The following LITAF variants were observed in gnomAD, a reference collection of about 807,000 sequenced individuals.
LITAF encodes the protein lipopolysaccharide induced TNF factor.
Under a neutral mutation model 14.5 loss-of-function variants are expected in LITAF, and 9 were observed. The ratio of observed to expected loss-of-function variants is 0.62; its 90% confidence interval spans 0.37 to 1.08. The LOEUF is 1.08. Among genes scored for constraint, LITAF ranks in the 50% least tolerant of loss-of-function variants. LITAF has a pLI of 0.01. For missense variants in LITAF, 206 were observed against 213.4 expected (o/e 0.97, Z 0.22); for synonymous variants, 98 against 88.2 (o/e 1.11, Z -0.62).
intron 3 of LITAF, among the ~76,000 whole-genome samples, chr16:11,613,939 G>A (rs72781050): frequency 0.14 from 21,296 of 152,210 alleles, 1,880 homozygotes; most frequent in Non-Finnish European, 0.21. Flanking sequence ...TGAGATCAAC[G>A]CCTGTGTTCT....
chr16:11,573,387 A>G (rs1392852575), intron 1 of LITAF, among the ~76,000 whole-genome samples: 1 of 152,176 alleles, frequency 6.6e-6, no homozygotes, highest in Non-Finnish European at 1.5e-5. Context: ...CGGCCAACCA[A>G]ATTTAACATG....
chr16:11,571,016 G>A (rs1044259384), intron 1 of LITAF, among the ~76,000 whole-genome samples: 1 of 152,120 alleles, frequency 6.6e-6, no homozygotes, highest in African/African-American at 2.4e-5. Context: ...GGAAAGGCAA[G>A]ACCATGGATT....
rs1324334039 is a variant in LITAF at position 11,634,198 on chromosome 16, GA to G, written c.-20-562del. On this transcript the variant is annotated intron_variant, in intron 2 of 3. Coordinates refer to the LITAF transcript ENST00000574848. This position sits in a 1 kb window ranked among gnomAD's most constrained non-coding sequence, Gnocchi z 4.1. ...AATTATAACAGAAAATTGTGACAGTGAAGGAGACCTGATCTAACCAACCCCC... is the reference window on the plus strand; with the variant it reads ...AATTATAACAGAAAATTGTGACAGTGAGGAGACCTGATCTAACCAACCCCC... Among the ~76,000 whole-genome samples, 7 of 152,178 alleles carry G rather than the reference GA, an allele frequency of 4.6e-5. No homozygotes were observed. Among genetic ancestry groups the G allele is most frequent in the Non-Finnish European group, 8.8e-5 (6 of 68,036 alleles).
upstream of LITAF, among the ~76,000 whole-genome samples, chr16:11,638,075 T>G (rs1468803779): frequency 1.3e-3 from 180 of 133,768 alleles, 12 homozygotes; most frequent in African/African-American, 2.1e-3. Context: ...TCTATATATA[T>G]ATCTATATCT....
chr16:11,553,351 C>G lies in LITAF; in HGVS notation c.377+182G>C, dbSNP rs112106219. Reference sequence around the variant, plus strand: ...GTTTGAACCTGAGCAGTGGGGGTTACAGTGAGCCGAGATCGCCCCACTGTA... The same window carrying G: ...GTTTGAACCTGAGCAGTGGGGGTTAGAGTGAGCCGAGATCGCCCCACTGTA... On this transcript the variant is annotated intron_variant, in intron 3 of 3. Coordinates refer to ENST00000622633, the MANE Select transcript of LITAF (RefSeq NM_001136472.2). This position sits in a 1 kb window ranked among gnomAD's most constrained non-coding sequence, Gnocchi z 7.7. The G allele has an allele frequency of 1.5e-6, 1 of 649,466 alleles. No homozygotes were observed. 40.2% of individuals were successfully genotyped at this position (649,466 alleles called of 1,614,324 possible).
chr16:11,594,682 C>T (rs879597707), intron 1 of LITAF, among the ~76,000 whole-genome samples: 6 of 152,056 alleles, frequency 3.9e-5, no homozygotes, highest in Non-Finnish European at 5.9e-5. Context: ...TTGAGACCAG[C>T]GTGGTCAGCA....
At chr16:11,559,666 T>C (rs1482761880) in intron 1 of LITAF, among the ~76,000 whole-genome samples, 1 of 151,756 alleles carries the variant, frequency 6.6e-6, no homozygotes. Flanking sequence ...GTAAAATGTA[T>C]TGTTAATTTC....
upstream of LITAF, among the ~76,000 whole-genome samples, chr16:11,638,240 A>G (rs2065151131): frequency 6.6e-6 from 1 of 151,372 alleles, no homozygotes; most frequent in Non-Finnish European, 1.5e-5. Context: ...GGGAACAGTA[A>G]TAGTCCACTT....
chr16:11,597,304 A>C (rs960584566), intron 1 of LITAF, among the ~76,000 whole-genome samples: 1 of 152,098 alleles, frequency 6.6e-6, no homozygotes, highest in African/African-American at 2.4e-5. Flanking sequence ...ATAACACAGA[A>C]GAATTTCATT....
chr16:11,632,928 G>A lies in LITAF; in HGVS notation c.85+605C>T, dbSNP rs1384121725. On this transcript the variant is annotated intron_variant, in intron 3 of 3. Coordinates refer to the LITAF transcript ENST00000574848. The surrounding 1 kb of genome is among the most constrained non-coding windows in gnomAD (Gnocchi z 4.8). ...GAAACAAAGGCCAGCTCTGAGGCCC[G>A]GGGCTGGGAGGGCTGAGCTGGCAGC... 1.3e-5 allele frequency among the ~76,000 whole-genome samples: 2 copies of A among 152,172 alleles called. No homozygotes were observed. The highest frequency in any genetic ancestry group is 1.9e-4 in the East Asian group (1 of 5,192).
chr16:11,597,001 G>A (rs751391366), intron 1 of LITAF, among the ~76,000 whole-genome samples: 1 of 152,120 alleles, frequency 6.6e-6, no homozygotes, highest in East Asian at 1.9e-4. Context: ...AAAGTAACAT[G>A]CCTCGAATCA....
chr16:11,576,552 A>AG (rs1470391701), intron 1 of LITAF, among the ~76,000 whole-genome samples: 16 of 77,574 alleles, frequency 2.1e-4, no homozygotes, highest in African/African-American at 6.2e-4. Flanking sequence ...AAAAAAAAAA[A>AG]AAAGAGAGAG....
chr16:11,556,824 A>T, intron 1 of LITAF, 89 bp from the exon 2 acceptor site: 1 of 1,167,540 alleles, frequency 8.6e-7, no homozygotes, highest in Middle Eastern at 2.6e-4. Context: ...CTTTCTGGCA[A>T]ACAGAAATTC....
chr16:11,553,620 G>A lies in LITAF; in HGVS notation c.290C>T (p.Pro97Leu). Residue 97 changes from proline (P) to leucine (L), a missense_variant, in exon 3 of 4, where the codon CCT (proline) becomes CTT (leucine). Pro to Leu is a moderately conservative substitution (Grantham distance 98). Transcript: ENST00000622633. The surrounding 1 kb of genome is among the most constrained non-coding windows in gnomAD (Gnocchi z 7.7). ...FLDRPIQMCC[P>L]SCNKMIVSQL... ...ACTCACGATCATCTTGTTGCAGGAA[G>A]GACAACACATTTGGATAGGGCGGTC... 10 of 1,614,114 alleles carry A rather than the reference G, an allele frequency of 6.2e-6. No individual in the cohort carries two copies. Among genetic ancestry groups the A allele is most frequent in the Non-Finnish European group, 8.5e-6 (10 of 1,180,026 alleles).
At chr16:11,598,756 C>A (rs1376001737), upstream of LITAF, among the ~76,000 whole-genome samples, 12 of 152,144 alleles carry the variant, frequency 7.9e-5, no homozygotes, top group Non-Finnish European at 1.8e-4. Context: ...GCTGCCCTGC[C>A]TCCTCCCCAT....
chr16:11,572,847 G>A (rs920012648), intron 1 of LITAF, among the ~76,000 whole-genome samples: 4 of 152,156 alleles, frequency 2.6e-5, no homozygotes, highest in Non-Finnish European at 5.9e-5. Context: ...GTTGTGGCCA[G>A]TGTCCCATAG....
At chr16:11,636,163 C>T (rs11645275) in intron 1 of LITAF, 39,686 of 152,036 alleles carry the variant, frequency 0.26, 5,386 homozygotes, top group African/African-American at 0.3. Context: ...TCCTCGGAGC[C>T]GGGCTGGGGC....
chr16:11,602,220 T>G (rs1458718083), upstream of LITAF, among the ~76,000 whole-genome samples: 3 of 152,008 alleles, frequency 2.0e-5, no homozygotes, highest in Non-Finnish European at 2.9e-5. Context: ...TAGCTGGGTG[T>G]GGTGACACAT....
At position 11,553,308 on chromosome 16, in the gene LITAF, C is replaced by T. The variant is rs1292648217; in HGVS notation, c.377+225G>A. On this transcript the variant is annotated intron_variant, in intron 3 of 3. Coordinates refer to ENST00000622633, the MANE Select transcript of LITAF (RefSeq NM_001136472.2). The surrounding 1 kb of genome is among the most constrained non-coding windows in gnomAD (Gnocchi z 7.7). The stretch of plus-strand genomic sequence containing the variant: ...CCCCTATAATCCCAGCTACACGGGA[C>T]GCTAAGGCAGGAGAATCGTTTGAAC... 1.9e-5 allele frequency: 10 copies of T among 529,518 alleles called. No homozygotes were observed. The highest frequency in any genetic ancestry group is 5.9e-5 in the South Asian group (3 of 51,166). 32.8% of individuals were successfully genotyped at this position (529,518 alleles called of 1,614,324 possible).
Sources: gnomAD v4.1 joint callset for allele counts (sites outside exome capture counted in the v4.1 genomes callset) on GRCh38, gnomAD v4.1.1 for gene constraint, Gnocchi (gnomAD v3.1) non-coding constraint, MANE v1.5 for transcripts, NCBI Gene and HGNC (gene_info 2026-07-23, HGNC 2026-07-21) for gene names.